The following GRK7 variants were observed in gnomAD, a reference collection of about 807,000 sequenced individuals.
The protein encoded by GRK7 is rhodopsin kinase GRK7.
In GRK7, 24 loss-of-function variants were observed where a neutral mutation model predicts 34.1. That is an observed-to-expected ratio of 0.70 (90% confidence interval 0.51 to 0.99). GRK7 has a LOEUF of 0.99. GRK7 is among the 50% of genes least tolerant of loss of function. The probability of loss-of-function intolerance (pLI) is 0.00; values close to 1 mark genes in which losing one functional copy is unlikely to be tolerated. For missense variants in GRK7, 644 were observed against 707.3 expected (o/e 0.91, Z 1.02); for synonymous variants, 256 against 279.4 (o/e 0.92, Z 0.84).
At chr3:141,801,326 A>G (rs1407777424) in intron 4 of GRK7, among the ~76,000 whole-genome samples, 1 of 150,586 alleles carries the variant, frequency 6.6e-6, no homozygotes, top group East Asian at 1.9e-4. Flanking sequence ...AAAAAAAAAA[A>G]AAAAAAAAGA....
chr3:141,763,132 C>T (rs147892553), upstream of GRK7, among the ~76,000 whole-genome samples: 1,508 of 152,322 alleles, frequency 9.9e-3, 22 homozygotes, highest in African/African-American at 0.035. Flanking sequence ...TGTTCCTATT[C>T]GGCCATCTTG....
Position 141,816,782 on chromosome 3 carries a change from G to A in GRK7, c.1394G>A (p.Gly465Asp), listed in dbSNP as rs755771520. ...KTINFPRLEA[G>D]LIEPPFVPDP... ...ATCAACTTTCCTCGCCTGGAAGCTG[G>A]CCTAATTGAACCCCCATTTGTGCCA... The change falls in exon 6 of 6, where the codon GGC becomes GAC. Residue 465 changes from glycine to aspartate, a missense_variant. Physicochemically the swap from Gly to Asp is moderately conservative, Grantham distance 94 (BLOSUM62 -1). Transcript: ENST00000682958. 1 of 1,593,166 alleles carries A rather than the reference G, an allele frequency of 6.3e-7. No homozygotes were observed. Among genetic ancestry groups the A allele is most frequent in the Non-Finnish European group, 8.6e-7 (1 of 1,168,316 alleles).
intron 5 of GRK7, among the ~76,000 whole-genome samples, chr3:141,814,936 T>TC (rs1202920788): frequency 6.7e-6 from 1 of 149,396 alleles, no homozygotes; most frequent in Non-Finnish European, 1.5e-5. Context: ...TTTTTTTTTT[T>TC]TTTTTAGAGA....
chr3:141,801,203 C>T (rs547602884), intron 4 of GRK7, among the ~76,000 whole-genome samples: 6 of 147,446 alleles, frequency 4.1e-5, no homozygotes, highest in East Asian at 2.0e-4. Context: ...CCCAGCTACT[C>T]GGGAGGCTGA....
At chr3:141,815,231 T>G (rs201201898) in intron 5 of GRK7, among the ~76,000 whole-genome samples, 4 of 148,378 alleles carry the variant, frequency 2.7e-5, no homozygotes, top group South Asian at 2.1e-4. Context: ...GGTTGGTTTT[T>G]TTTGTTTGTT....
chr3:141,766,376 G>T (rs993511940), intron 1 of GRK7, among the ~76,000 whole-genome samples: 47 of 152,088 alleles, frequency 3.1e-4, no homozygotes, highest in Admixed American at 7.9e-4. Flanking sequence ...TGTTAGCCAG[G>T]ATGGTCTCGA....
chr3:141,757,140 T>C, the GRK7 span, among the ~76,000 whole-genome samples: 2 of 123,736 alleles, frequency 1.6e-5, no homozygotes, highest in Non-Finnish European at 1.6e-5. Flanking sequence ...TTTTTTTTTT[T>C]TTTTTTCTTT....
chr3:141,790,024 CAG>C (rs1391087991), intron 4 of GRK7, among the ~76,000 whole-genome samples: 1 of 152,292 alleles, frequency 6.6e-6, no homozygotes, highest in Non-Finnish European at 1.5e-5. Context: ...TTGTTTGAGA[CAG>C]AGTCTCACTC....
At chr3:141,762,969 C>T (rs2084563225), upstream of GRK7, among the ~76,000 whole-genome samples, 1 of 152,244 alleles carries the variant, frequency 6.6e-6, no homozygotes, top group Non-Finnish European at 1.5e-5. Context: ...GAGGCAATGC[C>T]TCGCCCTGCT....
intron 5 of GRK7, among the ~76,000 whole-genome samples, chr3:141,816,275 A>T (rs575724085): frequency 2.0e-5 from 3 of 152,308 alleles, no homozygotes; most frequent in African/African-American, 7.2e-5. Context: ...ATATCATATT[A>T]CCAATAAAGG....
intron 1 of GRK7, among the ~76,000 whole-genome samples, chr3:141,768,227 TTA>T (rs1255872762): frequency 1.3e-5 from 2 of 151,006 alleles, no homozygotes; most frequent in Non-Finnish European, 1.5e-5. Flanking sequence ...ATCCTTCCCC[TTA>T]TATTTTAACC....
chr3:141,754,380 T>C, the GRK7 span, among the ~76,000 whole-genome samples: 1 of 152,052 alleles, frequency 6.6e-6, no homozygotes, highest in Non-Finnish European at 1.5e-5. Flanking sequence ...ATTTTTTTTT[T>C]CTTTAGCAAG....
Position 141,764,441 on chromosome 3 carries a change from G to T in GRK7, c.-1512G>T, listed in dbSNP as rs1478841426. On this transcript the variant is annotated 5_prime_UTR_variant, in exon 1 of 6. Transcript: ENST00000682958. ...TGTTAAATTCACTGACCAATTCTCAGTCCTTATCCCACTGACCTCTCAGCA... is the reference window on the plus strand; with the variant it reads ...TGTTAAATTCACTGACCAATTCTCATTCCTTATCCCACTGACCTCTCAGCA... Among the ~76,000 whole-genome samples the T allele has an allele frequency of 6.6e-6, 1 of 152,156 alleles. No homozygotes were observed. Among genetic ancestry groups the T allele is most frequent in the African/African-American group, 2.4e-5 (1 of 41,420 alleles).
intron 4 of GRK7, among the ~76,000 whole-genome samples, chr3:141,782,130 A>G (rs1011370350): frequency 1.3e-5 from 2 of 152,088 alleles, no homozygotes. Flanking sequence ...GGGTTTTAAG[A>G]AGGGAAATGA....
At chr3:141,791,715 G>A (rs2084724836) in intron 4 of GRK7, among the ~76,000 whole-genome samples, 1 of 152,110 alleles carries the variant, frequency 6.6e-6, no homozygotes, top group African/African-American at 2.4e-5. Flanking sequence ...TTCTAAATAT[G>A]AGGGATAGCC....
At chr3:141,792,136 C>T (rs1176170343) in intron 4 of GRK7, among the ~76,000 whole-genome samples, 1 of 151,480 alleles carries the variant, frequency 6.6e-6, no homozygotes, top group Non-Finnish European at 1.5e-5. Context: ...GGCGTGGTGG[C>T]TCATGCCTGT....
chr3:141,790,564 CT>C (rs10540138), intron 4 of GRK7, among the ~76,000 whole-genome samples: 84,309 of 141,116 alleles, frequency 0.6, 26,155 homozygotes, highest in Middle Eastern at 0.76. Context: ...TCTACATGCA[CT>C]TTTTTTTTTT....
At chr3:141,767,664 G>T (rs994447160) in intron 1 of GRK7, among the ~76,000 whole-genome samples, 9 of 152,058 alleles carry the variant, frequency 5.9e-5, no homozygotes, top group African/African-American at 2.2e-4. Context: ...GCCTCCCAAA[G>T]TACTGGGATT....
At position 141,807,824 on chromosome 3, in the gene GRK7, C is replaced by T. The variant is rs767919973; in HGVS notation, c.1230C>T (p.Asp410=). ...ATCTGAAGCAAAGAACTCTGCAAGA[C>T]GAGGTCAAATTCCAGCATGATAACT... ...KEDLKQRTLQ[D]EVKFQHDNFT... Residue 410 remains aspartate (D), a synonymous_variant, in exon 5 of 6, where the codon GAC becomes GAT. Transcript: ENST00000682958. 84 of 1,613,982 alleles carry T rather than the reference C, an allele frequency of 5.2e-5. No individual in the cohort carries two copies. Among genetic ancestry groups the T allele is most frequent in the Non-Finnish European group, 6.5e-5 (77 of 1,179,886 alleles).
Sources: allele counts gnomAD v4.1 joint callset (sites outside exome capture counted in the v4.1 genomes callset), GRCh38; gene constraint gnomAD v4.1.1; transcripts MANE v1.5; gene names NCBI Gene and HGNC (gene_info 2026-07-23, HGNC 2026-07-21).